The following COL15A1 variants were observed in gnomAD, a reference collection of about 807,000 sequenced individuals.
The protein encoded by COL15A1 is collagen type XV alpha 1 chain, also known as collagen alpha-1(XV) chain.
COL15A1 carries 111 observed loss-of-function variants against 165.9 expected under a neutral mutation model. The ratio of observed to expected loss-of-function variants is 0.67; its 90% confidence interval spans 0.57 to 0.78. The LOEUF is 0.78. Ranked by LOEUF, COL15A1 falls within the 30% of genes least tolerant of loss-of-function variation. The probability of loss-of-function intolerance (pLI) is 0.00; values close to 1 mark genes in which losing one functional copy is unlikely to be tolerated. For synonymous variants in COL15A1, 659 were observed against 674.8 expected, an observed-to-expected ratio of 0.98 and a Z score of 0.36; for missense variants, 1,745 against 1,789.7, an observed-to-expected ratio of 0.98 and a Z score of 0.45.
intron 2 of COL15A1, among the ~76,000 whole-genome samples, chr9:98,975,137 G>A (rs1017248416): frequency 2.6e-5 from 4 of 152,228 alleles, no homozygotes; most frequent in African/African-American, 4.8e-5. Flanking sequence ...AGCCTCCCTC[G>A]CGCCTCCGTC....
chr9:98,990,106 T>C (rs1256374671), intron 5 of COL15A1, among the ~76,000 whole-genome samples: 2 of 152,204 alleles, frequency 1.3e-5, no homozygotes, highest in African/African-American at 2.4e-5. Flanking sequence ...GGGCTGTGCA[T>C]GCAGCAGAGC....
At chr9:99,049,001 G>A (rs1051670222) in intron 28 of COL15A1, among the ~76,000 whole-genome samples, 1 of 152,040 alleles carries the variant, frequency 6.6e-6, no homozygotes, top group African/African-American at 2.4e-5. Flanking sequence ...AGCATTAGGG[G>A]TTGAGTCTCA....
At chr9:99,036,449 G>A (rs1839303893) in intron 21 of COL15A1, 53 bp downstream of exon 21, 2 of 1,587,220 alleles carry the variant, frequency 1.3e-6, no homozygotes, top group Non-Finnish European at 1.7e-6. Context: ...CTTTGCCAAA[G>A]GGAGGAGAAG....
At chr9:99,058,583 G>A (rs1349303868) in intron 35 of COL15A1, among the ~76,000 whole-genome samples, 1 of 152,192 alleles carries the variant, frequency 6.6e-6, no homozygotes, top group Non-Finnish European at 1.5e-5. Context: ...GCTGCATTGA[G>A]CAAGGATTGC....
chr9:99,038,531 TG>T, intron 21 of COL15A1, 136 bp from the exon 22 acceptor site: 1 of 599,724 alleles, frequency 1.7e-6, no homozygotes, highest in Non-Finnish European at 3.0e-6. Flanking sequence ...GAGCTGTGTT[TG>T]GCAGTGGGCT....
intron 2 of COL15A1, among the ~76,000 whole-genome samples, chr9:98,965,087 C>T (rs76051690): frequency 1.3e-5 from 2 of 152,256 alleles, no homozygotes; most frequent in African/African-American, 4.8e-5. Context: ...GCCAAACTAT[C>T]GCCTTCGCAC....
chr9:99,029,867 G>T (rs1028822733), intron 16 of COL15A1, among the ~76,000 whole-genome samples: 6 of 151,738 alleles, frequency 4.0e-5, no homozygotes, highest in Non-Finnish European at 8.8e-5. Context: ...CGGGGTTGCA[G>T]TGAGCCGAGA....
intron 2 of COL15A1, among the ~76,000 whole-genome samples, chr9:98,967,242 G>A (rs1199366125): frequency 1.3e-5 from 2 of 152,158 alleles, no homozygotes; most frequent in African/African-American, 4.8e-5. Context: ...GGGTTCCTAG[G>A]GAGATAGTAT....
At chr9:99,004,750 C>G in intron 8 of COL15A1, 148 bp from the exon 9 acceptor site, 1 of 858,618 alleles carries the variant, frequency 1.2e-6, no homozygotes, top group Admixed American at 2.0e-5. Flanking sequence ...TTCCATATTT[C>G]TGTCTGATGT....
At chr9:99,060,429 A>ATTT (rs36003230) in intron 36 of COL15A1, among the ~76,000 whole-genome samples, 1 of 129,604 alleles carries the variant, frequency 7.7e-6, no homozygotes, top group Non-Finnish European at 1.6e-5. Context: ...CACCTGGCTA[A>ATTT]TTTTTTTTTT....
At chr9:98,986,986 C>T (rs975486908) in intron 3 of COL15A1, among the ~76,000 whole-genome samples, 1 of 152,080 alleles carries the variant, frequency 6.6e-6, no homozygotes, top group African/African-American at 2.4e-5. Flanking sequence ...ATGTGCGTTT[C>T]AGGGCCTGCC....
At chr9:98,974,980 G>T (rs934218543) in intron 2 of COL15A1, among the ~76,000 whole-genome samples, 4 of 152,202 alleles carry the variant, frequency 2.6e-5, no homozygotes, top group Non-Finnish European at 5.9e-5. Context: ...TGCTCTCTTG[G>T]GTCCCTTAAC....
At position 98,985,757 on chromosome 9, in the gene COL15A1, A is replaced by G; in HGVS notation, c.293A>G (p.Lys98Arg). 3.1e-6 allele frequency: 5 copies of G among 1,614,120 alleles called. No homozygotes were observed. Among genetic ancestry groups the G allele is most frequent in the Non-Finnish European group, 4.2e-6 (5 of 1,180,028 alleles). Reference sequence around the variant, plus strand: ...GACTTCGCCATCAGCGTCGTGGTGAAGCCCAGCAGCACCCGTGGTGGCGTG... The same window carrying G: ...GACTTCGCCATCAGCGTCGTGGTGAGGCCCAGCAGCACCCGTGGTGGCGTG... ...FRDFAISVVVKPSSTRGGVLF... is the reference protein window; with the variant it reads ...FRDFAISVVVRPSSTRGGVLF... Residue 98 changes from lysine (K) to arginine (R), a missense_variant, in exon 3 of 42, where the codon AAG becomes AGG. By Grantham distance (26) the Lys-to-Arg change is conservative. Coordinates refer to ENST00000375001, the MANE Select transcript of COL15A1 (RefSeq NM_001855.5).
At chr9:99,060,293 A>G (rs1242111662) in intron 36 of COL15A1, among the ~76,000 whole-genome samples, 1 of 145,780 alleles carries the variant, frequency 6.9e-6, no homozygotes, top group Non-Finnish European at 1.5e-5. Flanking sequence ...ACGGGGTCTC[A>G]CTCTGTCACC....
In COL15A1 at chr9:99,004,792, T is replaced by C. The variant is rs1375040642; in HGVS notation, c.1201-106T>C. 1.7e-5 allele frequency: 21 copies of C among 1,250,486 alleles called. No homozygotes were observed. The East Asian group carries it at 4.7e-4, about 28-fold the overall frequency. The allele number at this position is 1,250,486 out of a possible 1,614,324, so 77.5% of individuals were successfully genotyped here. On this transcript the variant is annotated intron_variant, in intron 8 of 41. Coordinates refer to ENST00000375001, the MANE Select transcript of COL15A1 (RefSeq NM_001855.5). ...GTGGGTTTCCATGTGAAGTGAGGTC[T>C]TGGTGTGCAGGTGCTTTGAGGGGCC...
intron 9 of COL15A1, among the ~76,000 whole-genome samples, chr9:99,013,288 G>A (rs566998485): frequency 3.3e-5 from 5 of 151,942 alleles, no homozygotes; most frequent in Middle Eastern, 3.2e-3. Context: ...GTCATGGGGG[G>A]GTCAACCCCC....
intron 2 of COL15A1, among the ~76,000 whole-genome samples, chr9:98,983,027 C>A (rs936049060): frequency 6.6e-6 from 1 of 152,140 alleles, no homozygotes. Context: ...GCTAATTACT[C>A]GCTTTTTTTA....
At chr9:99,059,364 C>G (rs1045521180) in intron 35 of COL15A1, among the ~76,000 whole-genome samples, 1 of 151,748 alleles carries the variant, frequency 6.6e-6, no homozygotes, top group African/African-American at 2.4e-5. Flanking sequence ...GCTGTTTCCT[C>G]GAGATCACAC....
Position 98,985,113 on chromosome 9 carries a change from G to GA in COL15A1, c.101-442dup, listed in dbSNP as rs902071320. Reference sequence around the variant, plus strand: ...GGCCCCTATTCAGTTTTATAGTGGGGAAAAAAAAAATCTCCAAGTCGATGG... The same window carrying GA: ...GGCCCCTATTCAGTTTTATAGTGGGGAAAAAAAAAAATCTCCAAGTCGATGG... On this transcript the variant is annotated intron_variant, in intron 2 of 41. Transcript: ENST00000375001. Among the ~76,000 whole-genome samples, 304 of 149,404 alleles carry GA rather than the reference G, an allele frequency of 2.0e-3. 2 individuals carry two copies. Among genetic ancestry groups the GA allele is most frequent in the African/African-American group, 6.4e-3 (261 of 40,780 alleles).
Sources: allele counts gnomAD v4.1 joint callset (sites outside exome capture counted in the v4.1 genomes callset), GRCh38; gene constraint gnomAD v4.1.1; transcripts MANE v1.5; gene names NCBI Gene and HGNC (gene_info 2026-07-23, HGNC 2026-07-21).